SPOCK1: variants seen among roughly 807,000 people sequenced by gnomAD.
The protein encoded by SPOCK1 is testican-1.
A neutral mutation model predicts 55.3 loss-of-function variants in SPOCK1; 23 were observed. That is an observed-to-expected ratio of 0.42 (90% CI 0.30 to 0.59). SPOCK1 has a LOEUF of 0.59. Among genes scored for constraint, SPOCK1 ranks in the 20% least tolerant of loss-of-function variants. SPOCK1 has a pLI of 0.22. For missense variants in SPOCK1, 499 were observed against 552.5 expected (o/e 0.90, Z 0.97); for synonymous variants, 226 against 221.0 (o/e 1.02, Z -0.20).
chr5:137,108,042 C>G (rs1394534346), intron 5 of SPOCK1, among the ~76,000 whole-genome samples: 1 of 152,120 alleles, frequency 6.6e-6, no homozygotes, highest in African/African-American at 2.4e-5. Context: ...TTCCTGACAC[C>G]GATGATCCAA....
chr5:137,383,925 G>A (rs554883559), intron 2 of SPOCK1, among the ~76,000 whole-genome samples: 2 of 152,314 alleles, frequency 1.3e-5, no homozygotes, highest in South Asian at 4.1e-4. Context: ...CAAGGTCACT[G>A]TTCTTTCAAG....
intron 5 of SPOCK1, among the ~76,000 whole-genome samples, chr5:137,071,472 A>G (rs1330473598): frequency 6.6e-6 from 1 of 152,202 alleles, no homozygotes; most frequent in Non-Finnish European, 1.5e-5. Flanking sequence ...AAGCGTCACA[A>G]ACATTGATGA....
At chr5:136,986,582 C>T (rs58132937) in intron 8 of SPOCK1, among the ~76,000 whole-genome samples, 164 of 152,182 alleles carry the variant, frequency 1.1e-3, no homozygotes, top group African/African-American at 3.4e-3. Flanking sequence ...TATGATTGCA[C>T]ACCCGAAAAA....
chr5:137,424,823 C>T (rs1752574274), intron 2 of SPOCK1, among the ~76,000 whole-genome samples: 1 of 152,138 alleles, frequency 6.6e-6, no homozygotes, highest in Non-Finnish European at 1.5e-5. Context: ...TCTCCTGGGA[C>T]TGAGGGACTG....
intron 2 of SPOCK1, among the ~76,000 whole-genome samples, chr5:137,462,556 G>A (rs1012066221): frequency 6.6e-6 from 1 of 152,144 alleles, no homozygotes; most frequent in Non-Finnish European, 1.5e-5. Context: ...GTATGACCCA[G>A]GGCAAGTTAT....
At chr5:137,238,964 A>C (rs967762045) in intron 3 of SPOCK1, among the ~76,000 whole-genome samples, 1 of 152,230 alleles carries the variant, frequency 6.6e-6, no homozygotes, top group Non-Finnish European at 1.5e-5. Flanking sequence ...TGAGTGATAC[A>C]TGGGAGAGAA....
intron 3 of SPOCK1, among the ~76,000 whole-genome samples, chr5:137,253,594 C>T (rs1429010121): frequency 2.6e-5 from 4 of 152,172 alleles, no homozygotes; most frequent in Non-Finnish European, 5.9e-5. Flanking sequence ...TGTTCAATTT[C>T]CCCGACATCA....
chr5:137,232,250 C>T (rs1346261135), intron 3 of SPOCK1, among the ~76,000 whole-genome samples: 1 of 152,120 alleles, frequency 6.6e-6, no homozygotes, highest in Non-Finnish European at 1.5e-5. Flanking sequence ...GGTGTCAAGT[C>T]TGAATTCTTT....
Position 136,978,426 on chromosome 5 carries a change from C to T in SPOCK1, c.*228G>A. 1 of 390,310 alleles carries T rather than the reference C, an allele frequency of 2.6e-6. No individual in the cohort carries two copies. The highest frequency in any genetic ancestry group is 4.4e-6 in the Non-Finnish European group (1 of 229,046). 24.2% of individuals were successfully genotyped at this position (390,310 alleles called of 1,614,324 possible). ...TAATTAAGCCAATGACTTCCCTATC[C>T]AAAAAATAAACAACAACAAAAAAAA... On this transcript the variant is annotated 3_prime_UTR_variant, in exon 11 of 11. Coordinates refer to ENST00000394945, the MANE Select transcript of SPOCK1 (RefSeq NM_004598.4).
At chr5:137,397,691 C>T (rs1751883212) in intron 2 of SPOCK1, among the ~76,000 whole-genome samples, 1 of 152,160 alleles carries the variant, frequency 6.6e-6, no homozygotes, top group Non-Finnish European at 1.5e-5. Context: ...TAGCTCTTGA[C>T]CTTGAGCAAG....
At chr5:137,101,144 G>T (rs1185125792) in intron 5 of SPOCK1, among the ~76,000 whole-genome samples, 1 of 151,476 alleles carries the variant, frequency 6.6e-6, no homozygotes, top group Non-Finnish European at 1.5e-5. Flanking sequence ...GTCAGCAAGG[G>T]AATATTCTGT....
chr5:137,311,017 A>G (rs1757781263), intron 2 of SPOCK1, among the ~76,000 whole-genome samples: 2 of 152,200 alleles, frequency 1.3e-5, no homozygotes, highest in South Asian at 4.1e-4. Context: ...TCTCTCATTC[A>G]AGAGCAAACC....
At chr5:137,158,512 G>A (rs1399295711) in intron 3 of SPOCK1, among the ~76,000 whole-genome samples, 2 of 152,170 alleles carry the variant, frequency 1.3e-5, no homozygotes, top group Non-Finnish European at 2.9e-5. Context: ...TTGAAATGCA[G>A]CCAACACCTG....
At chr5:137,010,255 G>A (rs769179457) in intron 6 of SPOCK1, among the ~76,000 whole-genome samples, 10 of 152,150 alleles carry the variant, frequency 6.6e-5, no homozygotes, top group Non-Finnish European at 1.0e-4. Context: ...AGGTGCAAAG[G>A]GAAGAATGTG....
At chr5:137,239,611 T>C (rs1178014789) in intron 3 of SPOCK1, among the ~76,000 whole-genome samples, 2 of 152,132 alleles carry the variant, frequency 1.3e-5, no homozygotes, top group East Asian at 1.9e-4. Context: ...AGTGTCAGAA[T>C]TGAACTGAAT....
intron 4 of SPOCK1, among the ~76,000 whole-genome samples, chr5:137,131,989 A>AATATATAT (rs869252723): frequency 4.2e-4 from 15 of 36,054 alleles, no homozygotes; most frequent in Middle Eastern, 0.021. Flanking sequence ...AAAAAAAAAA[A>AATATATAT]ATATATATAT....
At chr5:137,405,800 G>A (rs895103312) in intron 2 of SPOCK1, among the ~76,000 whole-genome samples, 1 of 152,194 alleles carries the variant, frequency 6.6e-6, no homozygotes, top group Non-Finnish European at 1.5e-5. Context: ...AAGTAAGCAA[G>A]GGACCTCAGA....
chr5:137,150,644 G>T (rs201366232), intron 3 of SPOCK1, among the ~76,000 whole-genome samples: 1 of 152,058 alleles, frequency 6.6e-6, no homozygotes, highest in South Asian at 2.1e-4. Context: ...GGTGGCAAGG[G>T]GTATGTTGGG....
rs371339088 is a variant in SPOCK1, at chr5:137,315,432, C to A, written c.187-48377G>T. Among the ~76,000 whole-genome samples the A allele has an allele frequency of 2.0e-5, 3 of 152,206 alleles. No individual in the cohort carries two copies. In the East Asian group the frequency reaches 5.8e-4, roughly 29 times the overall value. ...TGAATAACTTAGCAGCCTTGTGAAG[C>A]AGATATGGCATCCCACAACCCCCCC... On this transcript the variant is annotated intron_variant, in intron 2 of 10. Transcript: ENST00000394945.
Sources: allele counts gnomAD v4.1 joint callset (sites outside exome capture counted in the v4.1 genomes callset), GRCh38; gene constraint gnomAD v4.1.1; transcripts MANE v1.5; gene names NCBI Gene and HGNC (gene_info 2026-07-23, HGNC 2026-07-21).